ROBO1: variants seen among roughly 807,000 people sequenced by gnomAD.
ROBO1 encodes roundabout guidance receptor 1, also known as roundabout homolog 1.
Under a neutral mutation model 195.9 loss-of-function variants are expected in ROBO1, and 149 were observed. The ratio of observed to expected loss-of-function variants is 0.76; its 90% CI spans 0.67 to 0.87. The LOEUF (loss-of-function observed/expected upper bound fraction) is 0.87, where lower values mean the gene tolerates loss of function less well. ROBO1 is among the 40% of genes least tolerant of loss of function. The pLI is 0.00. For missense variants in ROBO1, 1,933 were observed against 2,068.3 expected (o/e 0.93, Z 1.27); for synonymous variants, 816 against 733.2 (o/e 1.11, Z -1.82).
chr3:79,425,884 T>C (rs1371845659), intron 2 of ROBO1, among the ~76,000 whole-genome samples: 15 of 152,198 alleles, frequency 9.9e-5, no homozygotes. Flanking sequence ...ATTGGTTGCA[T>C]TGTTTTGCAC....
intron 1 of ROBO1, among the ~76,000 whole-genome samples, chr3:79,687,824 G>C (rs142837991): frequency 3.9e-5 from 6 of 152,220 alleles, no homozygotes; most frequent in African/African-American, 1.2e-4. Context: ...ATTCCTCAGG[G>C]ATCTAGAACT....
intron 1 of ROBO1, among the ~76,000 whole-genome samples, chr3:79,647,410 C>T (rs1482090041): frequency 6.6e-6 from 1 of 151,976 alleles, no homozygotes; most frequent in African/African-American, 2.4e-5. Flanking sequence ...AAACAAGAGG[C>T]AACTGAAAAC....
chr3:79,071,616 A>AT (rs1259817969), intron 3 of ROBO1, among the ~76,000 whole-genome samples: 2 of 151,302 alleles, frequency 1.3e-5, no homozygotes, highest in African/African-American at 4.9e-5. Flanking sequence ...TATTGTGGTT[A>AT]TTTTTTTAAA....
chr3:79,507,202 C>A (rs1312090987), intron 2 of ROBO1, among the ~76,000 whole-genome samples: 3 of 152,140 alleles, frequency 2.0e-5, no homozygotes, highest in African/African-American at 7.2e-5. Context: ...AGAACTACAT[C>A]CCTTGTGACC....
chr3:78,622,295 G>A (rs1704504198), intron 26 of ROBO1, among the ~76,000 whole-genome samples: 1 of 151,998 alleles, frequency 6.6e-6, no homozygotes, highest in Non-Finnish European at 1.5e-5. Context: ...GTGTTATAAT[G>A]GTTTAAGTTC....
At chr3:79,063,591 C>G (rs2078957012) in intron 3 of ROBO1, among the ~76,000 whole-genome samples, 1 of 150,966 alleles carries the variant, frequency 6.6e-6, no homozygotes, top group South Asian at 2.1e-4. Context: ...TTTCAGTCCT[C>G]ATTTTACCTG....
rs1033754997 is a variant in ROBO1, at chr3:79,093,864, A to C, written c.172+31592T>G. On this transcript the variant is annotated intron_variant, in intron 3 of 30. Transcript: ENST00000464233. ...AAGTGGACAGAAAAGAACAAAGCAG[A>C]GATGGAAGGATCAGAGAAACAGGGG... Among the ~76,000 whole-genome samples the C allele has an allele frequency of 6.8e-4, 103 of 152,220 alleles. 1 individual carries two copies. The highest frequency in any genetic ancestry group is 5.8e-4 in the East Asian group (3 of 5,152).
chr3:78,932,833 T>C (rs2039605221), intron 4 of ROBO1, among the ~76,000 whole-genome samples: 1 of 152,166 alleles, frequency 6.6e-6, no homozygotes, highest in Admixed American at 6.6e-5. Context: ...TTTAAAAGTG[T>C]TCTATAATTA....
intron 2 of ROBO1, among the ~76,000 whole-genome samples, chr3:79,333,574 C>G (rs763132251): frequency 1.3e-5 from 2 of 152,160 alleles, no homozygotes; most frequent in Non-Finnish European, 2.9e-5. Context: ...GAATCCCACC[C>G]ACTCCCCACT....
chr3:79,112,806 T>TAATGGTA, intron 3 of ROBO1, among the ~76,000 whole-genome samples: 1 of 151,906 alleles, frequency 6.6e-6, no homozygotes, highest in East Asian at 1.9e-4. Context: ...GAGATATACC[T>TAATGGTA]AATGGTAAAT....
At chr3:79,467,067 T>C (rs1221611361) in intron 2 of ROBO1, among the ~76,000 whole-genome samples, 1 of 151,966 alleles carries the variant, frequency 6.6e-6, no homozygotes, top group African/African-American at 2.4e-5. Flanking sequence ...AGTGGGAAAA[T>C]GCAGTAATTC....
intron 10 of ROBO1, among the ~76,000 whole-genome samples, chr3:78,672,705 G>A (rs1027062192): frequency 3.9e-5 from 6 of 152,010 alleles, no homozygotes; most frequent in Non-Finnish European, 5.9e-5. Context: ...TAAAATACTC[G>A]TAAAATGTTT....
chr3:78,719,327 T>C (rs1282224480), intron 5 of ROBO1, among the ~76,000 whole-genome samples: 1 of 152,142 alleles, frequency 6.6e-6, no homozygotes, highest in Non-Finnish European at 1.5e-5. Context: ...AACAGTTATG[T>C]GTTAAATTGT....
intron 2 of ROBO1, among the ~76,000 whole-genome samples, chr3:79,291,538 A>T (rs1351886488): frequency 6.6e-6 from 1 of 152,152 alleles, no homozygotes; most frequent in Non-Finnish European, 1.5e-5. Flanking sequence ...CGCTTACCAG[A>T]TATGGTAATT....
chr3:79,456,622 T>C (rs1488358532), intron 2 of ROBO1, among the ~76,000 whole-genome samples: 1 of 152,206 alleles, frequency 6.6e-6, no homozygotes, highest in African/African-American at 2.4e-5. Context: ...TGAAGTTTTC[T>C]CTATCTGAAT....
intron 4 of ROBO1, among the ~76,000 whole-genome samples, chr3:78,817,368 C>T (rs949208143): frequency 2.6e-5 from 4 of 151,724 alleles, no homozygotes; most frequent in African/African-American, 4.8e-5. Context: ...GATAACAGTT[C>T]GGAACACATG....
chr3:79,431,172 CAG>C (rs1244543141), intron 2 of ROBO1, among the ~76,000 whole-genome samples: 2 of 152,098 alleles, frequency 1.3e-5, no homozygotes, highest in African/African-American at 4.8e-5. Flanking sequence ...GCATGAGGGC[CAG>C]TTGCGTTAGA....
chr3:78,622,798 C>T lies in ROBO1; in HGVS notation c.3875+4523G>A, dbSNP rs149818452. On this transcript the variant is annotated intron_variant, in intron 26 of 30. Coordinates refer to ENST00000464233, the MANE Select transcript of ROBO1 (RefSeq NM_002941.4). Reference sequence around the variant, plus strand: ...TGAAAGAGTTGCCATTAACCTGAGACCCCATGTTATGAGAAGTCCATACTA... The same window carrying T: ...TGAAAGAGTTGCCATTAACCTGAGATCCCATGTTATGAGAAGTCCATACTA... Among the ~76,000 whole-genome samples, 8 of 152,228 alleles carry T rather than the reference C, an allele frequency of 5.3e-5. No individual in the cohort carries two copies. In the East Asian group the frequency reaches 1.5e-3, roughly 29 times the overall value.
At chr3:78,936,073 A>C (rs1350074908) in intron 4 of ROBO1, among the ~76,000 whole-genome samples, 1 of 152,194 alleles carries the variant, frequency 6.6e-6, no homozygotes, top group Middle Eastern at 3.4e-3. Context: ...AAATAAAAAT[A>C]AATAATCCCC....
Sources: gnomAD v4.1 joint callset for allele counts (sites outside exome capture counted in the v4.1 genomes callset) on GRCh38, gnomAD v4.1.1 for gene constraint, MANE v1.5 for transcripts, NCBI Gene and HGNC (gene_info 2026-07-23, HGNC 2026-07-21) for gene names.